The following CFAP77 variants were observed in gnomAD, a reference collection of about 807,000 sequenced individuals.
The protein encoded by CFAP77 is cilia and flagella associated protein 77.
In CFAP77, 25 loss-of-function variants were observed where a neutral mutation model predicts 31.1. The observed-to-expected ratio is 0.80, with a 90% CI of 0.59 to 1.12. The LOEUF is 1.12. Ranked by LOEUF, CFAP77 falls within the 50% of genes most tolerant of loss-of-function variation. CFAP77 has a pLI of 0.00. For missense variants in CFAP77, 377 were observed against 397.3 expected, an observed-to-expected ratio of 0.95 and a Z score of 0.44; for synonymous variants, 151 against 159.9, an observed-to-expected ratio of 0.94 and a Z score of 0.42.
chr9:132,502,265 A>ATATAT (rs1469260414), intron 3 of CFAP77, among the ~76,000 whole-genome samples: 43 of 83,882 alleles, frequency 5.1e-4, no homozygotes, highest in African/African-American at 1.7e-3. Flanking sequence ...ATATATATAT[A>ATATAT]TTTTTTTTTT....
intron 5 of CFAP77, among the ~76,000 whole-genome samples, chr9:132,563,453 C>A (rs1352450942): frequency 6.6e-6 from 1 of 152,178 alleles, no homozygotes; most frequent in African/African-American, 2.4e-5. Context: ...TTGGGTGGGG[C>A]CTCTCTGGAG....
At chr9:132,464,322 A>G (rs1023863769) in intron 1 of CFAP77, among the ~76,000 whole-genome samples, 2 of 152,086 alleles carry the variant, frequency 1.3e-5, no homozygotes, top group Non-Finnish European at 2.9e-5. Context: ...ACAAGCGAGG[A>G]TACCAAGTCT....
intron 1 of CFAP77, among the ~76,000 whole-genome samples, chr9:132,450,695 T>C (rs1306709832): frequency 6.6e-6 from 1 of 152,208 alleles, no homozygotes; most frequent in Non-Finnish European, 1.5e-5. Flanking sequence ...ATTTTGGTTC[T>C]GATACTGTAG....
rs572243589 is a variant in CFAP77 at position 132,421,314 on chromosome 9, G to T, written c.195+10848G>T. Among the ~76,000 whole-genome samples the T allele has an allele frequency of 4.0e-5, 6 of 151,222 alleles. No individual in the cohort carries two copies. In the East Asian group the frequency reaches 1.2e-3, roughly 30 times the overall value. The stretch of plus-strand genomic sequence containing the variant: ...GCCTTGGGCTGAGTCTTGACACAAA[G>T]ATTAGCAAGTATGTGGGGGGGAACT... On this transcript the variant is annotated intron_variant, in intron 1 of 5. Coordinates refer to ENST00000393216, the MANE Select transcript of CFAP77 (RefSeq NM_001282957.2).
chr9:132,542,739 C>T (rs879716901), intron 4 of CFAP77, among the ~76,000 whole-genome samples: 2 of 152,090 alleles, frequency 1.3e-5, no homozygotes, highest in Admixed American at 6.5e-5. Context: ...CACCCCCCCT[C>T]CCCCAGTCTC....
Position 132,450,684 on chromosome 9 carries a change from A to G in CFAP77, c.195+40218A>G, listed in dbSNP as rs114538371. Among the ~76,000 whole-genome samples, 253 of 152,316 alleles carry G rather than the reference A, an allele frequency of 1.7e-3. 2 individuals are homozygous for G. The highest frequency in any genetic ancestry group is 5.7e-3 in the African/African-American group (238 of 41,580). On this transcript the variant is annotated intron_variant, in intron 1 of 5. Transcript: ENST00000393216. ...CACGGCACCACACTGCCCACCAGGAAATTTTGGTTCTGATACTGTAGGCCA... is the reference window on the plus strand; with the variant it reads ...CACGGCACCACACTGCCCACCAGGAGATTTTGGTTCTGATACTGTAGGCCA...
intron 1 of CFAP77, among the ~76,000 whole-genome samples, chr9:132,461,691 C>T (rs1478562870): frequency 7.2e-5 from 11 of 152,242 alleles, no homozygotes; most frequent in South Asian, 4.1e-4. Context: ...CAGAACTGCT[C>T]CCCTGGGCCC....
chr9:132,510,409 T>C (rs1564233929), intron 3 of CFAP77, among the ~76,000 whole-genome samples: 1 of 152,138 alleles, frequency 6.6e-6, no homozygotes, highest in East Asian at 1.9e-4. Context: ...AGCCTCCAGC[T>C]CACAACACAA....
intron 3 of CFAP77, among the ~76,000 whole-genome samples, chr9:132,520,511 T>C (rs1415614910): frequency 6.6e-6 from 1 of 152,002 alleles, no homozygotes; most frequent in Non-Finnish European, 1.5e-5. Flanking sequence ...CCAGTTACGG[T>C]GGTGAGTGTT....
intron 3 of CFAP77, among the ~76,000 whole-genome samples, chr9:132,526,070 T>G (rs1440473960): frequency 1.3e-5 from 2 of 152,184 alleles, no homozygotes; most frequent in Non-Finnish European, 2.9e-5. Flanking sequence ...CAATTACATC[T>G]TTAAATAAAA....
chr9:132,522,504 G>A (rs899012340), intron 3 of CFAP77, among the ~76,000 whole-genome samples: 1 of 152,186 alleles, frequency 6.6e-6, no homozygotes, highest in East Asian at 1.9e-4. Flanking sequence ...TACCACAGGG[G>A]CTCTCCGCCT....
In CFAP77 at chr9:132,498,778, C is replaced by T. The variant is rs966873289; in HGVS notation, c.279C>T (p.Asp93=). 2.4e-5 allele frequency: 38 copies of T among 1,608,922 alleles called. 1 individual carries two copies. The highest frequency in any genetic ancestry group is 2.0e-4 in the South Asian group (18 of 90,068). The change falls in exon 2 of 6, where the codon GAC becomes GAT. Residue 93 remains aspartate, a synonymous_variant. Coordinates refer to ENST00000393216, the MANE Select transcript of CFAP77 (RefSeq NM_001282957.2). This position sits in a 1 kb window ranked among gnomAD's most constrained non-coding sequence, Gnocchi z 4.2. ...FNYGLYIRGL[D]GGVPEAIGRW... ...ATGGACTCTACATCCGAGGGCTTGA[C>T]GGAGGAGTCCCTGAAGGTGAGCGAG...
chr9:132,531,976 G>C (rs1195699387), intron 3 of CFAP77, among the ~76,000 whole-genome samples: 1 of 152,192 alleles, frequency 6.6e-6, no homozygotes, highest in African/African-American at 2.4e-5. Context: ...TGTTGTGAAC[G>C]GTCTCTTGGG....
chr9:132,534,025 C>T (rs2119047312), intron 3 of CFAP77, among the ~76,000 whole-genome samples: 1 of 152,294 alleles, frequency 6.6e-6, no homozygotes, highest in South Asian at 2.1e-4. Flanking sequence ...AGTTCTGGCA[C>T]AGTATCTATT....
rs568452931 is a variant in CFAP77, at chr9:132,572,452, G to A, written c.797G>A (p.Arg266Gln). The A allele has an allele frequency of 2.6e-5, 42 of 1,612,222 alleles. 1 individual carries two copies. The East Asian group carries it at 2.7e-4, about 10-fold the overall frequency. The stretch of plus-strand genomic sequence containing the variant: ...CGCCAGAGAGCATTAAAAGCCCACC[G>A]GGAAGAGTGTGCCGTGCGCCAGGGG... Reference protein sequence around the residue: ...ADRQRALKAHREECAVRQGTL... With the variant: ...ADRQRALKAHQEECAVRQGTL... The change falls in exon 6 of 6, where the codon CGG becomes CAG. Residue 266 changes from arginine to glutamine, a missense_variant. Physicochemically the swap from Arg to Gln is conservative, Grantham distance 43. Transcript: ENST00000393216.
At chr9:132,478,016 T>C (rs1300115877) in intron 1 of CFAP77, among the ~76,000 whole-genome samples, 2 of 152,094 alleles carry the variant, frequency 1.3e-5, no homozygotes, top group Non-Finnish European at 2.9e-5. Context: ...GGAGTCAGTG[T>C]GGTGGAATTT....
Position 132,573,161 on chromosome 9 carries a change from C to T in CFAP77, c.*651C>T, listed in dbSNP as rs556426271. 1 of 152,260 alleles carries T rather than the reference C, an allele frequency of 6.6e-6. No individual in the cohort carries two copies. 9.4% of individuals were successfully genotyped at this position (152,260 alleles called of 1,614,324 possible). A position where few individuals can be genotyped will look rare whatever the true frequency, so the allele number is the denominator to read the frequency against. On this transcript the variant is annotated 3_prime_UTR_variant, in exon 6 of 6. Coordinates refer to ENST00000393216, the MANE Select transcript of CFAP77 (RefSeq NM_001282957.2). Reference sequence around the variant, plus strand: ...GAAGGTCAACCCACTCTGGAAAAAGCCTTCCAGGCCAGCGGGTAGACTGCT... The same window carrying T: ...GAAGGTCAACCCACTCTGGAAAAAGTCTTCCAGGCCAGCGGGTAGACTGCT...
rs1378902228 is a variant in CFAP77 at position 132,572,848 on chromosome 9, G to T, written c.*338G>T. 6.1e-6 allele frequency: 2 copies of T among 330,412 alleles called. No homozygotes were observed. Among genetic ancestry groups the T allele is most frequent in the African/African-American group, 2.1e-5 (1 of 46,620 alleles). The allele number at this position is 330,412 out of a possible 1,614,324, so 20.5% of individuals were successfully genotyped here. A position where few individuals can be genotyped will look rare whatever the true frequency, so the allele number is the denominator to read the frequency against. ...CAATTTTTTAGACTCCAGGCTAAGG[G>T]TCGATTCCATGGCTCTGCCCATTAA... On this transcript the variant is annotated 3_prime_UTR_variant, in exon 6 of 6. Transcript: ENST00000393216.
intron 1 of CFAP77, among the ~76,000 whole-genome samples, chr9:132,472,764 G>A (rs1468207599): frequency 6.6e-6 from 1 of 152,074 alleles, no homozygotes; most frequent in African/African-American, 2.4e-5. Flanking sequence ...CTGCACTCTA[G>A]CCTGTCTCTA....
Sources: gnomAD v4.1 joint callset for allele counts (sites outside exome capture counted in the v4.1 genomes callset) on GRCh38, gnomAD v4.1.1 for gene constraint, Gnocchi (gnomAD v3.1) non-coding constraint, MANE v1.5 for transcripts, NCBI Gene and HGNC (gene_info 2026-07-23, HGNC 2026-07-21) for gene names.